Variants in MOXD1 observed in about 807,000 individuals in gnomAD.
The protein encoded by MOXD1 is DBH-like monooxygenase protein 1.
A neutral mutation model predicts 66.6 loss-of-function variants in MOXD1; 62 were observed. The ratio of observed to expected loss-of-function variants is 0.93; its 90% CI spans 0.76 to 1.15. The LOEUF (loss-of-function observed/expected upper bound fraction) is 1.15, where lower values mean the gene tolerates loss of function less well. Ranked by LOEUF, MOXD1 falls within the 50% of genes most tolerant of loss-of-function variation. The pLI is 0.00. For missense variants in MOXD1, 847 were observed against 754.6 expected, an observed-to-expected ratio of 1.12 and a Z score of -1.44; for synonymous variants, 303 against 281.9, an observed-to-expected ratio of 1.07 and a Z score of -0.75.
chr6:132,351,048 G>A (rs1015345584), intron 4 of MOXD1, among the ~76,000 whole-genome samples: 2 of 152,176 alleles, frequency 1.3e-5, no homozygotes, highest in Middle Eastern at 3.4e-3. Context: ...TTCTGGAGTC[G>A]TCTTTGGGGT....
chr6:132,349,950 G>T (rs1039094907), intron 4 of MOXD1, among the ~76,000 whole-genome samples: 5 of 152,068 alleles, frequency 3.3e-5, no homozygotes, highest in Admixed American at 3.3e-4. Flanking sequence ...CATGTCCTTA[G>T]CCTACTTTTT....
intron 1 of MOXD1, among the ~76,000 whole-genome samples, chr6:132,388,498 A>C (rs761477599): frequency 6.6e-6 from 1 of 151,384 alleles, no homozygotes; most frequent in Non-Finnish European, 1.5e-5. Context: ...ACAGTCATCA[A>C]CTTGCAAATG....
chr6:132,342,128 A>G (rs1775576279), intron 4 of MOXD1, among the ~76,000 whole-genome samples: 1 of 152,024 alleles, frequency 6.6e-6, no homozygotes, highest in African/African-American at 2.4e-5. Context: ...TCAGCCTCTC[A>G]AGTAGCTGGG....
intron 1 of MOXD1, among the ~76,000 whole-genome samples, chr6:132,379,735 T>C (rs1343963515): frequency 6.6e-6 from 1 of 152,238 alleles, no homozygotes. Context: ...GGATCCAAAA[T>C]TGTATTCATA....
chr6:132,325,028 T>C (rs1326067098), intron 6 of MOXD1: 1 of 151,918 alleles, frequency 6.6e-6, no homozygotes, highest in Non-Finnish European at 1.5e-5. Flanking sequence ...TTTTCAGATG[T>C]AATAAGTTGT....
intron 4 of MOXD1, among the ~76,000 whole-genome samples, chr6:132,338,765 T>C (rs942468086): frequency 4.6e-5 from 7 of 152,236 alleles, no homozygotes; most frequent in Non-Finnish European, 7.3e-5. Flanking sequence ...TCTATTTCTT[T>C]GTTTAACTTC....
At chr6:132,334,698 A>T (rs1027477411) in intron 4 of MOXD1, among the ~76,000 whole-genome samples, 4 of 152,180 alleles carry the variant, frequency 2.6e-5, no homozygotes, top group African/African-American at 9.7e-5. Flanking sequence ...AAATGTCTTC[A>T]TTATTTTGAT....
intron 6 of MOXD1, among the ~76,000 whole-genome samples, chr6:132,324,910 A>G (rs1045388257): frequency 6.6e-6 from 1 of 151,640 alleles, no homozygotes; most frequent in African/African-American, 2.4e-5. Flanking sequence ...CAAGGTCTCT[A>G]TATCAAATAT....
At chr6:132,308,726 C>T (rs1774754032) in intron 10 of MOXD1, among the ~76,000 whole-genome samples, 1 of 152,156 alleles carries the variant, frequency 6.6e-6, no homozygotes, top group Non-Finnish European at 1.5e-5. Flanking sequence ...CCATGCAAAT[C>T]AATAAACATA....
rs200930739 is a variant in MOXD1 at position 132,315,634 on chromosome 6, C to G, written c.1508+1G>C. ...CATCATAAAATACATTTACTACTTACGTGACTGGTCTGTAGATCTCCTTAA... is the reference window on the plus strand; with the variant it reads ...CATCATAAAATACATTTACTACTTAGGTGACTGGTCTGTAGATCTCCTTAA... On this transcript the variant is annotated splice_donor_variant, in intron 10 of 11. Transcript: ENST00000367963. LOFTEE classifies it high-confidence loss of function. 6.2e-7 allele frequency: 1 copy of G among 1,606,782 alleles called. No individual in the cohort carries two copies. The highest frequency in any genetic ancestry group is 8.5e-7 in the Non-Finnish European group (1 of 1,177,780).
At chr6:132,377,898 G>T (rs938948525) in intron 1 of MOXD1, among the ~76,000 whole-genome samples, 2 of 152,032 alleles carry the variant, frequency 1.3e-5, no homozygotes, top group Non-Finnish European at 2.9e-5. Flanking sequence ...GAGGCCAAGG[G>T]GGGTGGATCA....
Position 132,306,017 on chromosome 6 carries a change from G to T in MOXD1, c.1509-8062C>A, listed in dbSNP as rs538922284. 2.0e-5 allele frequency among the ~76,000 whole-genome samples: 3 copies of T among 152,198 alleles called. No individual in the cohort carries two copies. In the East Asian group the frequency reaches 5.8e-4, roughly 29 times the overall value. ...GCAGAACTAGATGGAGGATCAGATGGATGAATTGACAGAAGCAGGCTTCAG... is the reference window on the plus strand; with the variant it reads ...GCAGAACTAGATGGAGGATCAGATGTATGAATTGACAGAAGCAGGCTTCAG... On this transcript the variant is annotated intron_variant, in intron 10 of 11. Transcript: ENST00000367963.
rs1226837022 is a variant in MOXD1 at position 132,401,323 on chromosome 6, C to A, written c.104G>T (p.Gly35Val). 13 of 1,589,340 alleles carry A rather than the reference C, an allele frequency of 8.2e-6. No individual in the cohort carries two copies. Among genetic ancestry groups the A allele is most frequent in the African/African-American group, 2.7e-5 (2 of 74,094 alleles). The change falls in exon 1 of 12, where the codon GGC (glycine) becomes GTC (valine). Residue 35 changes from glycine to valine, a missense_variant. By Grantham distance (109) the Gly-to-Val change is moderately radical. Transcript: ENST00000367963. ...YPHRTLLDSE[G>V]KYWLGWSQRG... ...CTGGCTCCAGCCCAGCCAGTACTTGCCCTCCGAGTCCAGGAGGGTCCGGTG... is the reference window on the plus strand; with the variant it reads ...CTGGCTCCAGCCCAGCCAGTACTTGACCTCCGAGTCCAGGAGGGTCCGGTG...
rs768742168 is a variant in MOXD1 at position 132,297,174 on chromosome 6, C to T, written c.1821G>A (p.Thr607=). Residue 607 remains threonine (T), a synonymous_variant, in exon 12 of 12, where the codon ACG becomes ACA. Transcript: ENST00000367963. ...LLVCLLLLSC[T]LSTKSL ...TTGATCACAAGCTCTTGGTGCTCAG[C>T]GTGCAGCTGAGTAGCAGAAGGCAAA... 14 of 1,613,166 alleles carry T rather than the reference C, an allele frequency of 8.7e-6. No individual in the cohort carries two copies. Among genetic ancestry groups the T allele is most frequent in the South Asian group, 4.4e-5 (4 of 91,034 alleles).
chr6:132,324,676 T>C (rs1173948209), intron 6 of MOXD1, among the ~76,000 whole-genome samples: 2 of 152,190 alleles, frequency 1.3e-5, no homozygotes, highest in Non-Finnish European at 2.9e-5. Flanking sequence ...CATTAGGCAT[T>C]GTGGGGATGA....
intron 6 of MOXD1, 93 bp downstream of exon 6, chr6:132,327,920 T>C (rs984499771): frequency 1.1e-6 from 1 of 929,340 alleles, no homozygotes; most frequent in Admixed American, 2.0e-5. Flanking sequence ...CTTCTAACAC[T>C]GGCTGCTATT....
intron 8 of MOXD1, among the ~76,000 whole-genome samples, chr6:132,322,235 G>A (rs998825313): frequency 3.7e-4 from 57 of 152,110 alleles, no homozygotes; most frequent in African/African-American, 1.4e-3. Flanking sequence ...TATTCACATA[G>A]CTTTATCAGA....
At chr6:132,309,179 A>T (rs1322791072) in intron 10 of MOXD1, among the ~76,000 whole-genome samples, 1 of 152,178 alleles carries the variant, frequency 6.6e-6, no homozygotes, top group Non-Finnish European at 1.5e-5. Context: ...AAGTCTCAGG[A>T]TACAAAATCA....
At chr6:132,384,065 T>C (rs1409402152) in intron 1 of MOXD1, among the ~76,000 whole-genome samples, 2 of 151,946 alleles carry the variant, frequency 1.3e-5, no homozygotes, top group African/African-American at 2.4e-5. Flanking sequence ...CAAGATTCTG[T>C]CTCAAAAAAA....
Sources: gnomAD v4.1 joint callset for allele counts (sites outside exome capture counted in the v4.1 genomes callset) on GRCh38, gnomAD v4.1.1 for gene constraint, MANE v1.5 for transcripts, NCBI Gene and HGNC (gene_info 2026-07-23, HGNC 2026-07-21) for gene names.